The following PCNX4 variants were observed in gnomAD, a reference collection of about 807,000 sequenced individuals.
PCNX4 encodes the protein pecanex 4, also known as pecanex-like protein 4.
A neutral mutation model predicts 107.2 loss-of-function variants in PCNX4; 103 were observed. The ratio of observed to expected loss-of-function variants is 0.96; its 90% CI spans 0.82 to 1.13. The LOEUF (loss-of-function observed/expected upper bound fraction) is 1.13, where lower values mean the gene tolerates loss of function less well. PCNX4 is among the 50% of genes most tolerant of loss of function. PCNX4 has a pLI of 0.00. For missense variants in PCNX4, 1,528 were observed against 1,379.4 expected, an observed-to-expected ratio of 1.11 and a Z score of -1.71; for synonymous variants, 541 against 481.7, an observed-to-expected ratio of 1.12 and a Z score of -1.61.
chr14:60,092,087 T>G lies in PCNX4; in HGVS notation c.-386T>G, dbSNP rs1298828207. On this transcript the variant is annotated 5_prime_UTR_variant, in exon 1 of 11. Transcript: ENST00000406854. ...GAACGAAGCGCGCTATTTCCCTGCT[T>G]CCTCTAGGCCAAGCCTGCTTTACGG... 1 of 152,298 alleles carries G rather than the reference T, an allele frequency of 6.6e-6. No individual in the cohort carries two copies. Among genetic ancestry groups the G allele is most frequent in the East Asian group, 1.9e-4 (1 of 5,200 alleles). The allele number at this position is 152,298 out of a possible 1,614,324, so 9.4% of individuals were successfully genotyped here. A position where few individuals can be genotyped will look rare whatever the true frequency, so the allele number is the denominator to read the frequency against.
chr14:60,132,681 T>C (rs774757947), intron 10 of PCNX4, among the ~76,000 whole-genome samples: 7 of 151,946 alleles, frequency 4.6e-5, no homozygotes, highest in Non-Finnish European at 1.0e-4. Context: ...ACTCACAGAA[T>C]GGGAAAAATA....
rs961801418 is a variant in PCNX4 at position 60,144,469 on chromosome 14, C to T, written c.*10248C>T. 9.7e-5 allele frequency: 15 copies of T among 155,062 alleles called. No homozygotes were observed. Among genetic ancestry groups the T allele is most frequent in the African/African-American group, 3.6e-4 (15 of 41,430 alleles). 9.6% of individuals were successfully genotyped at this position (155,062 alleles called of 1,614,324 possible). On this transcript the variant is annotated 3_prime_UTR_variant, in exon 11 of 11. Transcript: ENST00000406854. ...TTGAAAGCATTTTGCTCCTCTTTCC[C>T]TTCTGTCCCTTCCACCATGTGAGGA... is the stretch of plus-strand genomic sequence containing the variant.
Position 60,144,971 on chromosome 14 carries a change from C to T in PCNX4, c.*10750C>T. Reference sequence around the variant, plus strand: ...GAAAAGTACAGGTGCTCTTTTCAGTCATGTTTTGTCTTAAAGATTTTAAAA... The same window carrying T: ...GAAAAGTACAGGTGCTCTTTTCAGTTATGTTTTGTCTTAAAGATTTTAAAA... On this transcript the variant is annotated 3_prime_UTR_variant, in exon 11 of 11. Coordinates refer to ENST00000406854, the MANE Select transcript of PCNX4 (RefSeq NM_001330177.2). 6.2e-7 allele frequency: 1 copy of T among 1,604,858 alleles called. No individual in the cohort carries two copies. The highest frequency in any genetic ancestry group is 8.5e-7 in the Non-Finnish European group (1 of 1,177,076).
Position 60,143,478 on chromosome 14 carries a change from C to T in PCNX4, c.*9257C>T, listed in dbSNP as rs947717470. 2 of 152,174 alleles carry T rather than the reference C, an allele frequency of 1.3e-5. No homozygotes were observed. The highest frequency in any genetic ancestry group is 4.1e-4 in the South Asian group (2 of 4,828). 9.4% of individuals were successfully genotyped at this position (152,174 alleles called of 1,614,324 possible). ...TCCTCCCCATCCTAAGTAACTATTA[C>T]CATACCTAAATATATATCTAATTAG... On this transcript the variant is annotated 3_prime_UTR_variant, in exon 11 of 11. Coordinates refer to ENST00000406854, the MANE Select transcript of PCNX4 (RefSeq NM_001330177.2).
At chr14:60,126,343 T>C (rs1446060623) in intron 10 of PCNX4, among the ~76,000 whole-genome samples, 1 of 152,214 alleles carries the variant, frequency 6.6e-6, no homozygotes, top group African/African-American at 2.4e-5. Flanking sequence ...ACATGAAAGA[T>C]TCAATGTTAT....
intron 1 of PCNX4, among the ~76,000 whole-genome samples, chr14:60,095,869 A>G (rs1342027138): frequency 6.6e-6 from 1 of 152,140 alleles, no homozygotes; most frequent in African/African-American, 2.4e-5. Context: ...GACCTAGGCC[A>G]GATTTATAGC....
At position 60,146,258 on chromosome 14, in the gene PCNX4, A is replaced by G. The variant is rs1292006650; in HGVS notation, c.*12037A>G. The G allele has an allele frequency of 6.6e-6, 1 of 152,096 alleles. No individual in the cohort carries two copies. The highest frequency in any genetic ancestry group is 1.5e-5 in the Non-Finnish European group (1 of 68,006). The allele number at this position is 152,096 out of a possible 1,614,324, so 9.4% of individuals were successfully genotyped here. On this transcript the variant is annotated 3_prime_UTR_variant, in exon 11 of 11. Transcript: ENST00000406854. The surrounding 1 kb of genome is among the most constrained non-coding windows in gnomAD (Gnocchi z 4.9). ...GTAAAAAAAATGCGAGATTTGCTAAATGATGTTTATATTTTACAGTTAGAT... is the reference window on the plus strand; with the variant it reads ...GTAAAAAAAATGCGAGATTTGCTAAGTGATGTTTATATTTTACAGTTAGAT...
Position 60,108,138 on chromosome 14 carries a change from A to G in PCNX4, c.500A>G (p.Tyr167Cys), listed in dbSNP as rs1189947478. Residue 167 changes from tyrosine to cysteine, a missense_variant, in exon 2 of 11, where the codon TAT becomes TGT. Physicochemically the swap from Tyr to Cys is radical, Grantham distance 194. Coordinates refer to ENST00000406854, the MANE Select transcript of PCNX4 (RefSeq NM_001330177.2). Reference protein sequence around the residue: ...YLLPNRITLLYGSTGGTALLF... With the variant: ...YLLPNRITLLCGSTGGTALLF... ...CTCCCAAATAGAATAACCTTGCTGT[A>G]TGGCAGTACAGGAGGCACTGCTCTA... is the stretch of plus-strand genomic sequence containing the variant. The G allele has an allele frequency of 2.5e-6, 4 of 1,612,788 alleles. No individual in the cohort carries two copies. Among genetic ancestry groups the G allele is most frequent in the African/African-American group, 2.7e-5 (2 of 74,942 alleles).
chr14:60,115,145 G>A lies in PCNX4; in HGVS notation c.1041G>A (p.Pro347=), dbSNP rs219314. Residue 347 remains proline (P), a synonymous_variant, in exon 4 of 11, where the codon CCG becomes CCA. Transcript: ENST00000406854. ...GTKSKDLPSG[P]EKHFSWKECL... is the part of the protein sequence containing the mutation. ...AATCTAAGGATTTACCCAGTGGTCCGGAAAAACATTTTTCATGGAAGGAAT... is the reference window on the plus strand; with the variant it reads ...AATCTAAGGATTTACCCAGTGGTCCAGAAAAACATTTTTCATGGAAGGAAT... 1,396,013 of 1,613,296 alleles carry A rather than the reference G, an allele frequency of 0.87. 611,490 individuals are homozygous for A. Among genetic ancestry groups the A allele is most frequent in the Non-Finnish European group, 0.9 (1,060,254 of 1,179,600 alleles).
Position 60,134,552 on chromosome 14 carries a change from A to G in PCNX4, c.*331A>G. ...TTAAATGTGTTATAGGTGAATTGCCATACAAAGTTAACAGCTATGTAATTT... is the reference window on the plus strand; with the variant it reads ...TTAAATGTGTTATAGGTGAATTGCCGTACAAAGTTAACAGCTATGTAATTT... On this transcript the variant is annotated 3_prime_UTR_variant, in exon 11 of 11. Coordinates refer to ENST00000406854, the MANE Select transcript of PCNX4 (RefSeq NM_001330177.2). 1 of 234,572 alleles carries G rather than the reference A, an allele frequency of 4.3e-6. No homozygotes were observed. The allele number at this position is 234,572 out of a possible 1,614,324, so 14.5% of individuals were successfully genotyped here.
intron 10 of PCNX4, among the ~76,000 whole-genome samples, chr14:60,133,256 A>G (rs141463211): frequency 9.1e-4 from 139 of 152,362 alleles, no homozygotes; most frequent in Non-Finnish European, 1.7e-3. Flanking sequence ...TTATTCTGCC[A>G]TAAAAAGGAA....
rs1475783622 is a variant in PCNX4 at position 60,107,795 on chromosome 14, G to T, written c.157G>T (p.Val53Phe). Residue 53 changes from valine (V) to phenylalanine (F), a missense_variant, in exon 2 of 11, where the codon GTT becomes TTT. Val to Phe is a conservative substitution (Grantham distance 50, BLOSUM62 -1). Transcript: ENST00000406854. Reference sequence around the variant, plus strand: ...AATTATTCTTTTTCTAATGCCATGGGTTTGGGGTGGAGTCGGAACACTTTT... The same window carrying T: ...AATTATTCTTTTTCTAATGCCATGGTTTTGGGGTGGAGTCGGAACACTTTT... ...NQIILFLMPWVWGGVGTLLYQ... is the reference protein window; with the variant it reads ...NQIILFLMPWFWGGVGTLLYQ... The T allele has an allele frequency of 6.2e-7, 1 of 1,612,666 alleles. No homozygotes were observed. The highest frequency in any genetic ancestry group is 8.5e-7 in the Non-Finnish European group (1 of 1,179,846).
At position 60,133,783 on chromosome 14, in the gene PCNX4, G is replaced by A. The variant is rs896699181; in HGVS notation, c.3268-187G>A. Reference sequence around the variant, plus strand: ...TTTTATTTAAAGAACCAAGGAAGTAGAGGTAATTCTTGATTCTGAATACAG... The same window carrying A: ...TTTTATTTAAAGAACCAAGGAAGTAAAGGTAATTCTTGATTCTGAATACAG... On this transcript the variant is annotated intron_variant, in intron 10 of 10. Transcript: ENST00000406854. 8 of 668,192 alleles carry A rather than the reference G, an allele frequency of 1.2e-5. No homozygotes were observed. In the Admixed American group the frequency reaches 1.5e-4, roughly 13 times the overall value. 41.4% of individuals were successfully genotyped at this position (668,192 alleles called of 1,614,324 possible).
At position 60,125,007 on chromosome 14, in the gene PCNX4, G is replaced by A; in HGVS notation, c.2836G>A (p.Glu946Lys). The A allele has an allele frequency of 1.9e-6, 3 of 1,613,772 alleles. No homozygotes were observed. Among genetic ancestry groups the A allele is most frequent in the East Asian group, 2.2e-5 (1 of 44,884 alleles). ...DWYQFVLRQL[E>K]CYHSEEKASN... ...GTACCAATTTGTTCTAAGGCAGTTG[G>A]AATGTTATCATTCAGAAGAGAAGGC... Residue 946 changes from glutamate to lysine, a missense_variant, in exon 9 of 11, where the codon GAA (glutamate) becomes AAA (lysine). Physicochemically the swap from Glu to Lys is moderately conservative, Grantham distance 56. Transcript: ENST00000406854.
At chr14:60,124,045 A>G (rs1595175260) in intron 8 of PCNX4, among the ~76,000 whole-genome samples, 173 bp from the exon 9 acceptor site, 1 of 152,254 alleles carries the variant, frequency 6.6e-6, no homozygotes, top group East Asian at 1.9e-4. Context: ...TCCAGAATCA[A>G]ATGTGTTAAG....
In PCNX4 at chr14:60,124,285, A is replaced by T. The variant is rs371002624; in HGVS notation, c.2114A>T (p.Asp705Val). Residue 705 changes from aspartate to valine, a missense_variant, in exon 9 of 11, where the codon GAT (aspartate) becomes GTT (valine). Asp to Val is a radical substitution (Grantham distance 152, BLOSUM62 -3). Coordinates refer to ENST00000406854, the MANE Select transcript of PCNX4 (RefSeq NM_001330177.2). ...EARRVDEVFEDAFEQEYTRVC... is the reference protein window; with the variant it reads ...EARRVDEVFEVAFEQEYTRVC... ...CGCAGAGTTGATGAAGTTTTTGAAG[A>T]TGCTTTTGAGCAAGAATACACAAGA... The T allele has an allele frequency of 7.5e-6, 12 of 1,607,028 alleles. No homozygotes were observed. Among genetic ancestry groups the T allele is most frequent in the Non-Finnish European group, 1.0e-5 (12 of 1,176,310 alleles).
intron 10 of PCNX4, among the ~76,000 whole-genome samples, chr14:60,126,550 G>A (rs1896058949): frequency 6.6e-6 from 1 of 152,168 alleles, no homozygotes; most frequent in African/African-American, 2.4e-5. Flanking sequence ...GCAAGAGACT[G>A]CAGTATTTGA....
At chr14:60,095,928 T>G (rs1389133395) in intron 1 of PCNX4, among the ~76,000 whole-genome samples, 1 of 152,204 alleles carries the variant, frequency 6.6e-6, no homozygotes, top group Non-Finnish European at 1.5e-5. Context: ...TATTACTGCC[T>G]TCTCAATTAG....
intron 6 of PCNX4, 35 bp from the exon 7 acceptor site, chr14:60,118,294 A>G (rs778147686): frequency 1.3e-6 from 2 of 1,507,050 alleles, no homozygotes; most frequent in Admixed American, 4.5e-5. Context: ...AAAATCTTCT[A>G]AGGATAAATA....
Sources: gnomAD v4.1 joint callset for allele counts (sites outside exome capture counted in the v4.1 genomes callset) on GRCh38, gnomAD v4.1.1 for gene constraint, Gnocchi (gnomAD v3.1) non-coding constraint, MANE v1.5 for transcripts, NCBI Gene and HGNC (gene_info 2026-07-23, HGNC 2026-07-21) for gene names.